The following CADM2 variants were observed in gnomAD, a reference collection of about 807,000 sequenced individuals.
The protein encoded by CADM2 is immunoglobulin superfamily member 4D.
In CADM2, 12 loss-of-function variants were observed where a neutral mutation model predicts 49.8. The observed-to-expected ratio is 0.24, with a 90% CI of 0.15 to 0.39. The LOEUF is 0.39. Ranked by LOEUF, CADM2 falls within the 10% of genes least tolerant of loss-of-function variation. The pLI, the probability that CADM2 is intolerant of heterozygous loss-of-function variation, is 1.00. For missense variants in CADM2, 378 were observed against 492.3 expected, an observed-to-expected ratio of 0.77 and a Z score of 2.20; for synonymous variants, 214 against 175.4, an observed-to-expected ratio of 1.22 and a Z score of -1.74.
At chr3:85,811,834 A>G (rs186725933) in intron 3 of CADM2, among the ~76,000 whole-genome samples, 70 of 150,270 alleles carry the variant, frequency 4.7e-4, no homozygotes, top group African/African-American at 1.6e-3. Context: ...AAGAGTGACC[A>G]GTTTCCTGGA....
chr3:85,716,098 T>A (rs2067284595), intron 1 of CADM2, among the ~76,000 whole-genome samples: 1 of 152,232 alleles, frequency 6.6e-6, no homozygotes, highest in South Asian at 2.1e-4. Flanking sequence ...TCCACAATGT[T>A]TGAACTAATT....
At chr3:85,126,845 A>G (rs1384706739) in intron 1 of CADM2, among the ~76,000 whole-genome samples, 3 of 152,126 alleles carry the variant, frequency 2.0e-5, no homozygotes, top group African/African-American at 4.8e-5. Context: ...GGAGAATCAT[A>G]TTGCTGTGAG....
intron 1 of CADM2, among the ~76,000 whole-genome samples, chr3:85,199,180 CATAAA>C (rs2041420510): frequency 6.6e-6 from 1 of 151,824 alleles, no homozygotes; most frequent in Non-Finnish European, 1.5e-5. Context: ...CTGTACTGTG[CATAAA>C]ATATCATGTG....
chr3:85,838,977 C>T (rs574322574), intron 3 of CADM2, among the ~76,000 whole-genome samples: 57 of 151,926 alleles, frequency 3.8e-4, no homozygotes, highest in African/African-American at 1.3e-3. Context: ...TTAGCCTGAC[C>T]TACTGAATCA....
intron 2 of CADM2, among the ~76,000 whole-genome samples, chr3:85,761,367 C>CATTTTT (rs1435295947): frequency 2.0e-5 from 2 of 101,090 alleles, no homozygotes; most frequent in Non-Finnish European, 1.8e-5. Context: ...CAACACAAAA[C>CATTTTT]TTTTTTTTTT....
At chr3:85,037,929 T>C (rs2035286868) in intron 1 of CADM2, among the ~76,000 whole-genome samples, 1 of 151,844 alleles carries the variant, frequency 6.6e-6, no homozygotes, top group Non-Finnish European at 1.5e-5. Flanking sequence ...TAATTACAAA[T>C]GTATTTACCA....
At chr3:85,996,277 A>AT (rs1434628622) in intron 8 of CADM2, among the ~76,000 whole-genome samples, 2 of 134,984 alleles carry the variant, frequency 1.5e-5, no homozygotes, top group Non-Finnish European at 3.2e-5. Flanking sequence ...AAAAGCTTCC[A>AT]TTTTTTCATT....
At chr3:85,638,294 T>C (rs2064582220) in intron 1 of CADM2, among the ~76,000 whole-genome samples, 1 of 152,186 alleles carries the variant, frequency 6.6e-6, no homozygotes, top group East Asian at 1.9e-4. Context: ...TATGAATAAA[T>C]AAAGTTGTTT....
At chr3:85,843,870 G>T (rs968756495) in intron 3 of CADM2, among the ~76,000 whole-genome samples, 9 of 151,124 alleles carry the variant, frequency 6.0e-5, no homozygotes, top group Non-Finnish European at 2.9e-5. Flanking sequence ...TTCAGAAAGT[G>T]CAGTTTCATG....
chr3:84,993,588 AG>A (rs1455576540), intron 1 of CADM2, among the ~76,000 whole-genome samples: 2 of 152,188 alleles, frequency 1.3e-5, no homozygotes, highest in Non-Finnish European at 2.9e-5. Flanking sequence ...GAAAGTCAAA[AG>A]GGTTTGTTTT....
At chr3:85,930,622 C>T (rs1335401384) in intron 6 of CADM2, among the ~76,000 whole-genome samples, 3 of 152,032 alleles carry the variant, frequency 2.0e-5, no homozygotes, top group Non-Finnish European at 4.4e-5. Context: ...CCTTCTGAGC[C>T]TTTGGTAACC....
At chr3:85,687,980 C>A (rs1315475393) in intron 1 of CADM2, among the ~76,000 whole-genome samples, 2 of 152,160 alleles carry the variant, frequency 1.3e-5, no homozygotes, top group African/African-American at 4.8e-5. Flanking sequence ...TTCCAGGGAT[C>A]TAGGCTGTGC....
At chr3:84,973,136 C>A (rs1379269892) in intron 1 of CADM2, among the ~76,000 whole-genome samples, 1 of 152,206 alleles carries the variant, frequency 6.6e-6, no homozygotes, top group African/African-American at 2.4e-5. Flanking sequence ...TGGTCTCGAA[C>A]TCCTGGCCTC....
At chr3:85,943,186 GT>G (rs1276168660) in intron 7 of CADM2, among the ~76,000 whole-genome samples, 3 of 147,778 alleles carry the variant, frequency 2.0e-5, no homozygotes, top group African/African-American at 7.7e-5. Context: ...GGGGTTGTTT[GT>G]TTTTTTCTTG....
At chr3:85,223,006 G>T (rs1390218714) in intron 1 of CADM2, among the ~76,000 whole-genome samples, 1 of 151,970 alleles carries the variant, frequency 6.6e-6, no homozygotes, top group Non-Finnish European at 1.5e-5. Context: ...CTCTTGAGCG[G>T]TCATTATGCC....
intron 1 of CADM2, among the ~76,000 whole-genome samples, chr3:85,614,493 A>C (rs2063751186): frequency 6.6e-6 from 1 of 151,860 alleles, no homozygotes; most frequent in Admixed American, 6.6e-5. Context: ...GTCCTTAAGT[A>C]ATCCAAGTTG....
chr3:85,452,560 A>T (rs999620697), intron 1 of CADM2, among the ~76,000 whole-genome samples: 2 of 152,098 alleles, frequency 1.3e-5, no homozygotes, highest in African/African-American at 4.8e-5. Flanking sequence ...TAAGGCAATT[A>T]AAACAACAAC....
chr3:85,805,950 G>A (rs373293695), intron 3 of CADM2, among the ~76,000 whole-genome samples: 3 of 152,272 alleles, frequency 2.0e-5, no homozygotes, highest in Admixed American at 6.5e-5. Context: ...GTTCTTAGCC[G>A]TAGCTACACA....
chr3:85,533,389 T>G lies in CADM2; in HGVS notation c.62-193133T>G, dbSNP rs904374548. Among the ~76,000 whole-genome samples the G allele has an allele frequency of 4.6e-5, 7 of 152,292 alleles. No individual in the cohort carries two copies. In the East Asian group the frequency reaches 1.4e-3, roughly 29 times the overall value. On this transcript the variant is annotated intron_variant, in intron 1 of 9. Transcript: ENST00000383699. ...TATATGTGAAACTATTATGCATACT[T>G]TAAAATGCCCAATATTGATACCTAA...
Sources: allele counts gnomAD v4.1 joint callset (sites outside exome capture counted in the v4.1 genomes callset), GRCh38; gene constraint gnomAD v4.1.1; transcripts MANE v1.5; gene names NCBI Gene and HGNC (gene_info 2026-07-23, HGNC 2026-07-21).